The following KIAA1671 variants were observed in gnomAD, a reference collection of about 807,000 sequenced individuals.
KIAA1671 encodes uncharacterized protein KIAA1671.
In KIAA1671, 52 loss-of-function variants were observed where a neutral mutation model predicts 131.2. The ratio of observed to expected loss-of-function variants is 0.40; its 90% CI spans 0.32 to 0.50. The LOEUF (loss-of-function observed/expected upper bound fraction) is 0.50. KIAA1671 is among the 20% of genes least tolerant of loss of function. The probability of loss-of-function intolerance (pLI) is 0.73; values close to 1 mark genes in which losing one functional copy is unlikely to be tolerated. For missense variants in KIAA1671, 2,360 were observed against 2,364.2 expected (o/e 1.00, Z 0.04); for synonymous variants, 1,003 against 961.6 (o/e 1.04, Z -0.80).
At chr22:25,074,721 C>T (rs1402615439) in intron 6 of KIAA1671, among the ~76,000 whole-genome samples, 1 of 152,076 alleles carries the variant, frequency 6.6e-6, no homozygotes, top group Admixed American at 6.6e-5. Flanking sequence ...ATCTATCTGT[C>T]TGTCTGTCTG....
chr22:25,006,813 C>A (rs1462149828), intron 1 of KIAA1671, among the ~76,000 whole-genome samples: 1 of 152,216 alleles, frequency 6.6e-6, no homozygotes, highest in Non-Finnish European at 1.5e-5. Context: ...CTCTCTTTGA[C>A]TCTGACTTTC....
chr22:25,070,935 A>G (rs995726884), intron 6 of KIAA1671, among the ~76,000 whole-genome samples: 3 of 152,226 alleles, frequency 2.0e-5, no homozygotes, highest in Non-Finnish European at 4.4e-5. Context: ...ATAACAGAGG[A>G]AAAAAACCAG....
chr22:25,034,334 C>T (rs1926471587), intron 4 of KIAA1671, among the ~76,000 whole-genome samples: 1 of 152,118 alleles, frequency 6.6e-6, no homozygotes, highest in African/African-American at 2.4e-5. Context: ...GTGTGAGCCA[C>T]CACACCCGGC....
chr22:25,036,135 C>T (rs1019507784), intron 4 of KIAA1671, among the ~76,000 whole-genome samples: 5 of 152,112 alleles, frequency 3.3e-5, no homozygotes, highest in Admixed American at 3.3e-4. Context: ...GGCTGGAGTG[C>T]AATGGCACAA....
chr22:24,997,603 G>A (rs1884446019), intron 1 of KIAA1671, among the ~76,000 whole-genome samples: 1 of 152,070 alleles, frequency 6.6e-6, no homozygotes, highest in African/African-American at 2.4e-5. Flanking sequence ...CTGGGTGAGG[G>A]GCAGGAGATG....
In KIAA1671 at chr22:25,040,105, T is replaced by C. The variant is rs1368873679; in HGVS notation, c.2975T>C (p.Leu992Pro). The C allele has an allele frequency of 5.8e-5, 90 of 1,551,538 alleles. No homozygotes were observed. The highest frequency in any genetic ancestry group is 1.2e-4 in the Admixed American group (6 of 50,978). ...PTASALRKPQ[L>P]SHYRVETQEV... is the part of the protein sequence containing the mutation. ...GCCAGTGCCTTAAGAAAACCTCAAC[T>C]ATCCCACTACAGGGTGGAGACCCAG... Residue 992 changes from leucine (L) to proline (P), a missense_variant, in exon 5 of 13, where the codon CTA (leucine) becomes CCA (proline). Leu to Pro is a moderately conservative substitution (Grantham distance 98). Transcript: ENST00000358431.
intron 6 of KIAA1671, among the ~76,000 whole-genome samples, chr22:25,141,393 T>C (rs6519567): frequency 0.3 from 44,929 of 151,298 alleles, 6,618 homozygotes; most frequent in South Asian, 0.36. Flanking sequence ...CCACCACACC[T>C]GGCTAATTTT....
At chr22:25,015,505 A>C (rs369165867) in intron 1 of KIAA1671, among the ~76,000 whole-genome samples, 20 of 152,320 alleles carry the variant, frequency 1.3e-4, no homozygotes, top group African/African-American at 4.3e-4. Flanking sequence ...GAGGTTAAGC[A>C]GAGGGGTAAA....
intron 6 of KIAA1671, among the ~76,000 whole-genome samples, chr22:25,156,466 TTGTG>T (rs1292496696): frequency 1.3e-5 from 2 of 151,952 alleles, no homozygotes; most frequent in Non-Finnish European, 2.9e-5. Context: ...GTGTACATGT[TTGTG>T]TGCATTTGTG....
At chr22:25,159,528 G>A (rs1933365483) in intron 6 of KIAA1671, among the ~76,000 whole-genome samples, 1 of 152,134 alleles carries the variant, frequency 6.6e-6, no homozygotes, top group Non-Finnish European at 1.5e-5. Flanking sequence ...TTGTCATGAT[G>A]TTTGTTAAAA....
chr22:25,147,086 C>T (rs923917296), intron 6 of KIAA1671, among the ~76,000 whole-genome samples: 1 of 152,212 alleles, frequency 6.6e-6, no homozygotes, highest in Non-Finnish European at 1.5e-5. Flanking sequence ...GCTCCACCCC[C>T]TTCCTTGCTC....
At chr22:25,095,536 AGCTACTCGGGAG>A (rs1293323253) in intron 6 of KIAA1671, among the ~76,000 whole-genome samples, 2 of 152,156 alleles carry the variant, frequency 1.3e-5, no homozygotes, top group African/African-American at 4.8e-5. Context: ...CTGTAGTGCC[AGCTACTCGGGAG>A]GCTGAGGCAG....
rs5760790 is a variant in KIAA1671 at position 25,001,223 on chromosome 22, G to A, written c.-207-24410G>A. ...TGTATGTGTATGTATGTGTATATAT[G>A]TATGTGTGTGTATATGTGTGTGTGT... On this transcript the variant is annotated intron_variant, in intron 1 of 12. Coordinates refer to ENST00000358431, the MANE Select transcript of KIAA1671 (RefSeq NM_001145206.2). Among the ~76,000 whole-genome samples the A allele has an allele frequency of 6.9e-5, 5 of 72,396 alleles. No homozygotes were observed. The East Asian group carries it at 1.7e-3, about 25-fold the overall frequency. 47.5% of individuals were successfully genotyped at this position (72,396 alleles called of 152,430 possible).
At chr22:25,124,233 GC>G (rs776045146) in intron 6 of KIAA1671, among the ~76,000 whole-genome samples, 1 of 152,182 alleles carries the variant, frequency 6.6e-6, no homozygotes, top group African/African-American at 2.4e-5. Flanking sequence ...TAAGAGCTGG[GC>G]CATAAACAGC....
At chr22:25,037,980 C>A (rs948358432) in intron 4 of KIAA1671, among the ~76,000 whole-genome samples, 13 of 152,088 alleles carry the variant, frequency 8.5e-5, no homozygotes, top group African/African-American at 3.1e-4. Context: ...GCTGGGATTA[C>A]AGCCGTGTGC....
At chr22:25,141,675 T>A (rs1415906887) in intron 6 of KIAA1671, among the ~76,000 whole-genome samples, 1 of 152,202 alleles carries the variant, frequency 6.6e-6, no homozygotes, top group African/African-American at 2.4e-5. Context: ...ATATCTCTTT[T>A]CTAACTACCC....
rs537570078 is a variant in KIAA1671, at chr22:25,170,516, G to C, written c.4531-304G>C. On this transcript the variant is annotated intron_variant, in intron 6 of 12. Transcript: ENST00000358431. ...CCCAGGCTGTACTGTGAGGAGGAGAGAGGGCCATTGAGGTGGGGGCCAGGC... is the reference window on the plus strand; with the variant it reads ...CCCAGGCTGTACTGTGAGGAGGAGACAGGGCCATTGAGGTGGGGGCCAGGC... 8.9e-4 allele frequency among the ~76,000 whole-genome samples: 136 copies of C among 152,376 alleles called. 1 individual carries two copies. Among genetic ancestry groups the C allele is most frequent in the African/African-American group, 3.2e-3 (134 of 41,594 alleles).
At chr22:25,086,592 T>C (rs577451350) in intron 6 of KIAA1671, among the ~76,000 whole-genome samples, 25 of 152,294 alleles carry the variant, frequency 1.6e-4, no homozygotes, top group African/African-American at 5.5e-4. Flanking sequence ...TGTGAATGAA[T>C]TGAGAAGGGA....
intron 6 of KIAA1671, among the ~76,000 whole-genome samples, chr22:25,089,665 T>A (rs1376454627): frequency 6.6e-6 from 1 of 152,250 alleles, no homozygotes; most frequent in African/African-American, 2.4e-5. Context: ...GAGATTTTTC[T>A]ATATCAGCAT....
Sources: allele counts gnomAD v4.1 joint callset (sites outside exome capture counted in the v4.1 genomes callset), GRCh38; gene constraint gnomAD v4.1.1; transcripts MANE v1.5; gene names NCBI Gene and HGNC (gene_info 2026-07-23, HGNC 2026-07-21).